L3HYPDH: variants seen among roughly 807,000 people sequenced by gnomAD.
L3HYPDH encodes the protein trans-3-hydroxy-L-proline dehydratase.
A neutral mutation model predicts 26.5 loss-of-function variants in L3HYPDH; 32 were observed. The observed-to-expected ratio is 1.21, with a 90% CI of 0.91 to 1.62. L3HYPDH has a LOEUF of 1.62. Among genes scored for constraint, L3HYPDH ranks in the 40% most tolerant of loss-of-function variants. The probability of loss-of-function intolerance (pLI) is 0.00; values close to 1 mark genes in which losing one functional copy is unlikely to be tolerated. For synonymous variants in L3HYPDH, 215 were observed against 196.6 expected, an observed-to-expected ratio of 1.09 and a Z score of -0.78; for missense variants, 554 against 476.4, an observed-to-expected ratio of 1.16 and a Z score of -1.52.
At chr14:59,503,982 T>C in the L3HYPDH span, 3 of 1,613,860 alleles carry the variant, frequency 1.9e-6, no homozygotes, top group Non-Finnish European at 1.7e-6. Flanking sequence ...CCCTTTTGGC[T>C]TTGGTACCTA....
In L3HYPDH at chr14:59,484,304, G is replaced by C. The variant is rs1305420294; in HGVS notation, c.13C>G (p.Leu5Val). The change falls in exon 1 of 5, where the codon CTG (leucine) becomes GTG (valine). Residue 5 changes from leucine (L) to valine (V), a missense_variant. Physicochemically the swap from Leu to Val is conservative, Grantham distance 32. Transcript: ENST00000247194. MESALAVPRLPPHDP... is the reference protein window; with the variant it reads MESAVAVPRLPPHDP... ...TGCGGGGGCAGCCGGGGCACCGCCA[G>C]CGCGCTCTCCATGGTCTGCGTCGGG... 6.3e-7 allele frequency: 1 copy of C among 1,589,472 alleles called. No homozygotes were observed. Among genetic ancestry groups the C allele is most frequent in the Non-Finnish European group, 8.5e-7 (1 of 1,175,282 alleles).
the L3HYPDH span, among the ~76,000 whole-genome samples, chr14:59,495,724 G>T: frequency 0.034 from 5,109 of 152,242 alleles, 268 homozygotes; most frequent in African/African-American, 0.12. Context: ...AGGGAAAATA[G>T]AAGTCTGGTA....
At chr14:59,504,294 A>G in the L3HYPDH span, 1 of 506,370 alleles carries the variant, frequency 2.0e-6, no homozygotes, top group Admixed American at 3.6e-5. Flanking sequence ...TATCTGCTAC[A>G]CTGGAAGGCC....
At chr14:59,471,927 AAC>A (rs1424003317), downstream of L3HYPDH, among the ~76,000 whole-genome samples, 1 of 152,206 alleles carries the variant, frequency 6.6e-6, no homozygotes, top group Non-Finnish European at 1.5e-5. Context: ...CAGAGAAATA[AAC>A]ATTAACATGA....
downstream of L3HYPDH, among the ~76,000 whole-genome samples, chr14:59,469,907 G>C (rs1173798835): frequency 1.3e-5 from 2 of 152,158 alleles, no homozygotes; most frequent in Non-Finnish European, 2.9e-5. Context: ...GACAATTTAA[G>C]GACAGAGTAG....
chr14:59,492,745 A>G, the L3HYPDH span, among the ~76,000 whole-genome samples: 3 of 152,052 alleles, frequency 2.0e-5, no homozygotes, highest in Non-Finnish European at 2.9e-5. Flanking sequence ...TCTTTGCCCA[A>G]AGTATCTAAT....
At chr14:59,496,627 A>G in the L3HYPDH span, among the ~76,000 whole-genome samples, 1 of 152,150 alleles carries the variant, frequency 6.6e-6, no homozygotes, top group Non-Finnish European at 1.5e-5. Flanking sequence ...AGTCACTTCT[A>G]ATTTATTGTA....
chr14:59,484,194 C>T lies in L3HYPDH; in HGVS notation c.123G>A (p.Glu41=). 3 of 1,599,002 alleles carry T rather than the reference C, an allele frequency of 1.9e-6. No individual in the cohort carries two copies. Among genetic ancestry groups the T allele is most frequent in the Non-Finnish European group, 2.5e-6 (3 of 1,179,652 alleles). ...TGGCCAGCAGGGTGGGCCCAGACAC[C>T]TCCGGACACCCCGCCAGCACGATAC... The part of the protein sequence containing the change: ...PLRIVLAGCP[E]VSGPTLLAKR... The change falls in exon 1 of 5, where the codon GAG becomes GAA. Residue 41 remains glutamate (E), a synonymous_variant. Transcript: ENST00000247194.
chr14:59,486,701 G>C (rs1566572837), upstream of L3HYPDH: 3 of 1,551,032 alleles, frequency 1.9e-6, no homozygotes, highest in Middle Eastern at 1.7e-4. Context: ...ACTGGCATTT[G>C]TTTTTAAAAA....
the L3HYPDH span, among the ~76,000 whole-genome samples, chr14:59,493,176 AGG>A: frequency 6.6e-6 from 1 of 152,210 alleles, no homozygotes; most frequent in South Asian, 2.1e-4. Flanking sequence ...AGATCCCAGA[AGG>A]AAAACACATC....
downstream of L3HYPDH, among the ~76,000 whole-genome samples, chr14:59,469,995 C>T (rs551981180): frequency 1.4e-4 from 22 of 152,216 alleles, no homozygotes; most frequent in Middle Eastern, 3.4e-3. Flanking sequence ...GAAAGCAAAG[C>T]TAGGCAGGTG....
chr14:59,486,591 T>C (rs1696674196), upstream of L3HYPDH: 5 of 675,858 alleles, frequency 7.4e-6, no homozygotes, highest in African/African-American at 5.5e-5. Flanking sequence ...TCAAGACTTT[T>C]GTCTAATACA....
upstream of L3HYPDH, chr14:59,486,863 T>G (rs1342796416): frequency 8.7e-7 from 1 of 1,148,000 alleles, no homozygotes; most frequent in Non-Finnish European, 1.3e-6. Flanking sequence ...TTTGAAATAT[T>G]TTCACATACA....
chr14:59,480,933 G>A (rs1889975542), intron 1 of L3HYPDH, among the ~76,000 whole-genome samples: 2 of 152,214 alleles, frequency 1.3e-5, no homozygotes, highest in South Asian at 4.1e-4. Flanking sequence ...AGGAGACACA[G>A]GTGACGGTCC....
At chr14:59,475,165 C>G (rs772315784) in intron 4 of L3HYPDH, 4 of 151,798 alleles carry the variant, frequency 2.6e-5, no homozygotes, top group Admixed American at 2.0e-4. Flanking sequence ...CTTTCACATC[C>G]TATTATATCA....
chr14:59,498,840 G>C, the L3HYPDH span: 2 of 1,612,744 alleles, frequency 1.2e-6, no homozygotes, highest in African/African-American at 2.7e-5. Flanking sequence ...CGATTTAAAA[G>C]TATTTATGCT....
intron 1 of L3HYPDH, 129 bp from the exon 2 acceptor site, chr14:59,479,480 GT>G: frequency 1.1e-6 from 1 of 871,736 alleles, no homozygotes; most frequent in Non-Finnish European, 1.8e-6. Flanking sequence ...AAATAATGAA[GT>G]AAAAATCCGT....
chr14:59,488,957 C>T (rs886921356), upstream of L3HYPDH, among the ~76,000 whole-genome samples: 2 of 152,222 alleles, frequency 1.3e-5, no homozygotes, highest in African/African-American at 4.8e-5. Context: ...CTATTCTTTC[C>T]TTCTAGGCCT....
chr14:59,479,633 T>C (rs1166343819), intron 1 of L3HYPDH, among the ~76,000 whole-genome samples: 1 of 152,192 alleles, frequency 6.6e-6, no homozygotes, highest in Non-Finnish European at 1.5e-5. Flanking sequence ...GAGGATCTTT[T>C]CTAGGAAACA....
Sources: allele counts gnomAD v4.1 joint callset (sites outside exome capture counted in the v4.1 genomes callset), GRCh38; gene constraint gnomAD v4.1.1; transcripts MANE v1.5; gene names NCBI Gene and HGNC (gene_info 2026-07-23, HGNC 2026-07-21).